The following PPP2R2B variants were observed in gnomAD, a reference collection of about 807,000 sequenced individuals.
The protein encoded by PPP2R2B is serine/threonine-protein phosphatase 2A 55 kDa regulatory subunit B beta isoform.
A neutral mutation model predicts 46.0 loss-of-function variants in PPP2R2B; 5 were observed. That is an observed-to-expected ratio of 0.11 (90% CI 0.06 to 0.23). The LOEUF (loss-of-function observed/expected upper bound fraction) is 0.23. Among genes scored for constraint, PPP2R2B ranks in the 10% least tolerant of loss-of-function variants. PPP2R2B has a pLI of 1.00. For synonymous variants in PPP2R2B, 215 were observed against 206.7 expected, an observed-to-expected ratio of 1.04 and a Z score of -0.34; for missense variants, 367 against 575.0, an observed-to-expected ratio of 0.64 and a Z score of 3.70.
At chr5:147,057,720 A>G (rs1365223627), upstream of PPP2R2B, among the ~76,000 whole-genome samples, 2 of 152,132 alleles carry the variant, frequency 1.3e-5, no homozygotes, top group Non-Finnish European at 2.9e-5. Context: ...CCATACACCA[A>G]CCTAAGAGTA....
intron 7 of PPP2R2B, among the ~76,000 whole-genome samples, chr5:146,635,682 C>A (rs911232599): frequency 6.6e-6 from 1 of 152,222 alleles, no homozygotes; most frequent in African/African-American, 2.4e-5. Context: ...TGTCACCTCA[C>A]CCACAGCATG....
intron 2 of PPP2R2B, among the ~76,000 whole-genome samples, chr5:146,838,562 C>A: frequency 7.3e-6 from 1 of 137,194 alleles, no homozygotes; most frequent in Non-Finnish European, 1.5e-5. Flanking sequence ...CAAAGTGAGC[C>A]TCCATCTCAA....
At chr5:146,861,046 A>C (rs1329317324) in intron 2 of PPP2R2B, among the ~76,000 whole-genome samples, 2 of 138,846 alleles carry the variant, frequency 1.4e-5, no homozygotes, top group Non-Finnish European at 3.0e-5. Context: ...ATTCAAACTG[A>C]ATTTTTTCTT....
chr5:146,804,576 T>C (rs1328562046), intron 2 of PPP2R2B, among the ~76,000 whole-genome samples: 1 of 152,176 alleles, frequency 6.6e-6, no homozygotes, highest in African/African-American at 2.4e-5. Context: ...ATTCGCCGGA[T>C]GGATTACTGA....
At chr5:147,030,112 G>A (rs1051944083) in intron 1 of PPP2R2B, among the ~76,000 whole-genome samples, 1 of 152,078 alleles carries the variant, frequency 6.6e-6, no homozygotes, top group African/African-American at 2.4e-5. Flanking sequence ...ACAATATTGA[G>A]TCTTTCCATC....
At position 146,750,051 on chromosome 5, in the gene PPP2R2B, C is replaced by T. The variant is rs118181203; in HGVS notation, c.71-48909G>A. 8.0e-4 allele frequency among the ~76,000 whole-genome samples: 121 copies of T among 152,166 alleles called. 4 individuals carry two copies. In the East Asian group the frequency reaches 0.015, roughly 19 times the overall value. ...ATTTATTGAAAGGCTGTCTTTCCTC[C>T]GTTGAATTGCTTTTGCAATTTTGTA... On this transcript the variant is annotated intron_variant, in intron 2 of 9. Coordinates refer to ENST00000394411, the MANE Select transcript of PPP2R2B (RefSeq NM_181675.4).
intron 2 of PPP2R2B, among the ~76,000 whole-genome samples, chr5:146,748,299 G>A (rs1265955645): frequency 6.6e-6 from 1 of 151,900 alleles, no homozygotes; most frequent in Non-Finnish European, 1.5e-5. Context: ...AGATTCACAT[G>A]CAATTGTAAG....
At chr5:146,716,503 C>T (rs892760109) in intron 2 of PPP2R2B, among the ~76,000 whole-genome samples, 7 of 152,144 alleles carry the variant, frequency 4.6e-5, no homozygotes, top group African/African-American at 7.2e-5. Flanking sequence ...AGATCTCGGA[C>T]ATCTTTGAGG....
chr5:147,051,618 A>G (rs1172293397), intron 1 of PPP2R2B, among the ~76,000 whole-genome samples: 1 of 152,058 alleles, frequency 6.6e-6, no homozygotes. Context: ...TCCCTTTAGG[A>G]AAAGAAAGCG....
chr5:147,074,459 G>GTTATAAT (rs1757699994), intron 2 of PPP2R2B, among the ~76,000 whole-genome samples: 1 of 152,178 alleles, frequency 6.6e-6, no homozygotes, highest in East Asian at 1.9e-4. Context: ...GTGGGGTGAA[G>GTTATAAT]TTATAATTAT....
intron 2 of PPP2R2B, among the ~76,000 whole-genome samples, chr5:146,729,614 G>A (rs558367359): frequency 6.6e-6 from 1 of 152,326 alleles, no homozygotes; most frequent in African/African-American, 2.4e-5. Context: ...GCTATGTGCA[G>A]TTTAGGGACT....
At chr5:146,652,590 C>T (rs984788201) in intron 5 of PPP2R2B, among the ~76,000 whole-genome samples, 1 of 152,034 alleles carries the variant, frequency 6.6e-6, no homozygotes, top group Non-Finnish European at 1.5e-5. Context: ...AGGGATTTAA[C>T]CAGGCCAGGA....
intron 2 of PPP2R2B, among the ~76,000 whole-genome samples, chr5:146,721,384 C>A (rs1261593397): frequency 6.6e-6 from 1 of 152,114 alleles, no homozygotes; most frequent in African/African-American, 2.4e-5. Flanking sequence ...ACATCTGGGG[C>A]CTGATTTTGT....
chr5:146,655,805 C>T (rs1042326868), intron 5 of PPP2R2B, among the ~76,000 whole-genome samples: 9 of 148,698 alleles, frequency 6.1e-5, no homozygotes, highest in East Asian at 2.1e-4. Context: ...ATGAACCAAA[C>T]GGGTCCTGCC....
At chr5:146,910,428 A>T (rs1309869024) in intron 1 of PPP2R2B, among the ~76,000 whole-genome samples, 6 of 152,222 alleles carry the variant, frequency 3.9e-5, no homozygotes, top group Non-Finnish European at 8.8e-5. Context: ...TCTTGGTGTT[A>T]TGCAAGGTTG....
At chr5:147,077,770 G>A (rs1242875456) in intron 2 of PPP2R2B, among the ~76,000 whole-genome samples, 1 of 152,142 alleles carries the variant, frequency 6.6e-6, no homozygotes, top group Non-Finnish European at 1.5e-5. Flanking sequence ...CTATTTTAAA[G>A]TGCACTTTCC....
At chr5:146,773,267 C>T (rs1424110371) in intron 2 of PPP2R2B, among the ~76,000 whole-genome samples, 2 of 152,194 alleles carry the variant, frequency 1.3e-5, no homozygotes, top group Admixed American at 6.5e-5. Context: ...CAGCCGTTTG[C>T]ATTCCAGGAA....
At chr5:146,654,725 G>T (rs1317887876) in intron 5 of PPP2R2B, among the ~76,000 whole-genome samples, 1 of 152,172 alleles carries the variant, frequency 6.6e-6, no homozygotes, top group Non-Finnish European at 1.5e-5. Flanking sequence ...GAAATCTACA[G>T]ATGAGGTCAT....
chr5:146,770,355 A>AAAT (rs1368760298), intron 2 of PPP2R2B, among the ~76,000 whole-genome samples: 36 of 132,586 alleles, frequency 2.7e-4, no homozygotes, highest in African/African-American at 8.4e-4. Flanking sequence ...AAAAAAAAAA[A>AAAT]GAATGAAGAA....
Sources: gnomAD v4.1 joint callset for allele counts (sites outside exome capture counted in the v4.1 genomes callset) on GRCh38, gnomAD v4.1.1 for gene constraint, MANE v1.5 for transcripts, NCBI Gene and HGNC (gene_info 2026-07-23, HGNC 2026-07-21) for gene names.